YARS1: variants seen among roughly 807,000 people sequenced by gnomAD.
The protein encoded by YARS1 is tyrosyl-tRNA synthetase 1.
Under a neutral mutation model 62.2 loss-of-function variants are expected in YARS1, and 36 were observed. The ratio of observed to expected loss-of-function variants is 0.58; its 90% CI spans 0.44 to 0.76. The LOEUF is 0.76. Among genes scored for constraint, YARS1 ranks in the 30% least tolerant of loss-of-function variants. The pLI is 0.00. For synonymous variants in YARS1, 234 were observed against 244.9 expected, an observed-to-expected ratio of 0.96 and a Z score of 0.42; for missense variants, 524 against 639.8, an observed-to-expected ratio of 0.82 and a Z score of 1.95.
intron 8 of YARS1, among the ~76,000 whole-genome samples, chr1:32,785,890 CTT>C (rs11344284): frequency 5.3e-4 from 77 of 146,354 alleles, no homozygotes; most frequent in Admixed American, 6.2e-4. Context: ...AGCCCATTTT[CTT>C]TTTTTTTTTT....
At chr1:32,782,135 T>C (rs753343730) in intron 9 of YARS1, 20 of 511,564 alleles carry the variant, frequency 3.9e-5, no homozygotes, top group Non-Finnish European at 6.7e-5. Flanking sequence ...AGAGGCAGAT[T>C]TAACAAACAG....
intron 4 of YARS1, among the ~76,000 whole-genome samples, chr1:32,801,860 T>A (rs115869676): frequency 0.022 from 3,308 of 152,062 alleles, 119 homozygotes; most frequent in African/African-American, 0.075. Flanking sequence ...CAATTCCTCA[T>A]CTGTTCAAAA....
intron 8 of YARS1, chr1:32,782,776 T>C (rs1220977713): frequency 3.6e-6 from 2 of 553,600 alleles, no homozygotes; most frequent in East Asian, 6.5e-5. Context: ...GCTGAATGTA[T>C]TTGTTAGTCT....
At chr1:32,788,452 G>C (rs1653309124) in intron 6 of YARS1, among the ~76,000 whole-genome samples, 1 of 151,654 alleles carries the variant, frequency 6.6e-6, no homozygotes, top group African/African-American at 2.4e-5. Context: ...TATTTTTTGA[G>C]ACAGTTTTGC....
At chr1:32,788,032 C>G (rs567757690) in intron 6 of YARS1, among the ~76,000 whole-genome samples, 2 of 152,284 alleles carry the variant, frequency 1.3e-5, no homozygotes, top group South Asian at 4.1e-4. Context: ...ATCACTTGAG[C>G]CTGAGGTTGA....
chr1:32,789,581 G>A (rs1346579890), intron 6 of YARS1, among the ~76,000 whole-genome samples: 1 of 151,594 alleles, frequency 6.6e-6, no homozygotes, highest in East Asian at 1.9e-4. Context: ...TTGGGATTGG[G>A]CCAGGCATTT....
chr1:32,790,041 G>A (rs1200591885), intron 6 of YARS1, among the ~76,000 whole-genome samples: 1 of 148,360 alleles, frequency 6.7e-6, no homozygotes, highest in Non-Finnish European at 1.5e-5. Flanking sequence ...CTGCCACCAC[G>A]ACTGGCTAAT....
At chr1:32,787,807 C>T (rs1419721222) in intron 6 of YARS1, among the ~76,000 whole-genome samples, 1 of 152,208 alleles carries the variant, frequency 6.6e-6, no homozygotes, top group African/African-American at 2.4e-5. Flanking sequence ...AGCCACTGCA[C>T]CCGGGCAATA....
intron 5 of YARS1, among the ~76,000 whole-genome samples, chr1:32,796,354 TTA>T (rs869272788): frequency 8.5e-5 from 12 of 141,146 alleles, no homozygotes; most frequent in South Asian, 6.9e-4. Context: ...AAAAATGTAT[TTA>T]TTTTTTTCTT....
At chr1:32,797,121 C>T (rs1653629680) in intron 5 of YARS1, among the ~76,000 whole-genome samples, 1 of 144,238 alleles carries the variant, frequency 6.9e-6, no homozygotes, top group African/African-American at 2.6e-5. Flanking sequence ...CCTATAATCC[C>T]AGCACTTTGG....
intron 6 of YARS1, among the ~76,000 whole-genome samples, chr1:32,787,595 C>T (rs898587280): frequency 2.6e-5 from 4 of 151,306 alleles, no homozygotes; most frequent in East Asian, 2.0e-4. Context: ...CTGGAAGCTC[C>T]GCCTCCTGGG....
intron 4 of YARS1, 173 bp from the exon 5 acceptor site, chr1:32,798,016 A>T (rs888541738): frequency 3.3e-6 from 2 of 608,544 alleles, no homozygotes; most frequent in African/African-American, 3.7e-5. Context: ...GATTACAGAC[A>T]TGCACCACCA....
Position 32,786,430 on chromosome 1 carries a change from C to T in YARS1, c.838G>A (p.Asp280Asn), listed in dbSNP as rs1653230532. ...GTTTTGTTTCCACCCCATTTCTCAT[C>T]TCGTAGGATCACAAACTCTATAAGG... Reference protein sequence around the residue: ...PLKSEFVILRDEKWGGNKTYT... With the variant: ...PLKSEFVILRNEKWGGNKTYT... Residue 280 changes from aspartate to asparagine, a missense_variant, in exon 8 of 13, where the codon GAT (aspartate) becomes AAT (asparagine). Transcript: ENST00000373477. 1.2e-6 allele frequency: 2 copies of T among 1,613,892 alleles called. No individual in the cohort carries two copies. Among genetic ancestry groups the T allele is most frequent in the Non-Finnish European group, 1.7e-6 (2 of 1,179,932 alleles).
rs888242117 is a variant in YARS1 at position 32,815,803 on chromosome 1, TTTTA to T, written c.57+1381_57+1384del. ...GGTAGCGTCTGCTAACGGGTGCAAG[TTTTA>T]TTAGATAGTGTGATGGTTGTGGCCG... On this transcript the variant is annotated intron_variant, in intron 1 of 12. Transcript: ENST00000373477. 8.5e-5 allele frequency among the ~76,000 whole-genome samples: 13 copies of T among 152,098 alleles called. No individual in the cohort carries two copies. In the East Asian group the frequency reaches 2.5e-3, roughly 29 times the overall value.
chr1:32,794,076 G>A (rs573568840), intron 5 of YARS1, among the ~76,000 whole-genome samples: 2 of 152,294 alleles, frequency 1.3e-5, no homozygotes, highest in African/African-American at 2.4e-5. Flanking sequence ...CAGGCTGGGC[G>A]CAGTGGCTTA....
At chr1:32,795,270 G>A (rs1653545582) in intron 5 of YARS1, among the ~76,000 whole-genome samples, 1 of 151,930 alleles carries the variant, frequency 6.6e-6, no homozygotes, top group Admixed American at 6.6e-5. Context: ...AGTGAGCCGA[G>A]ATGGCGCTAT....
Position 32,775,316 on chromosome 1 carries a change from C to A in YARS1, c.*665G>T, listed in dbSNP as rs1457377559. On this transcript the variant is annotated 3_prime_UTR_variant, in exon 13 of 13. Transcript: ENST00000373477. Reference sequence around the variant, plus strand: ...AGATGCCTTATGGAGAAGTACCCCACCCTCTATGAAGACAGAATCACTCTC... The same window carrying A: ...AGATGCCTTATGGAGAAGTACCCCAACCTCTATGAAGACAGAATCACTCTC... The A allele has an allele frequency of 6.5e-6, 1 of 153,014 alleles. No individual in the cohort carries two copies. The highest frequency in any genetic ancestry group is 1.5e-5 in the Non-Finnish European group (1 of 68,686). 9.5% of individuals were successfully genotyped at this position (153,014 alleles called of 1,614,324 possible). A position where few individuals can be genotyped will look rare whatever the true frequency, so the allele number is the denominator to read the frequency against.
chr1:32,777,590 G>A (rs373994683), intron 12 of YARS1, among the ~76,000 whole-genome samples: 25 of 152,264 alleles, frequency 1.6e-4, no homozygotes, highest in Admixed American at 6.5e-4. Flanking sequence ...CAGCTTGGGC[G>A]ACAGAGCAAG....
intron 5 of YARS1, among the ~76,000 whole-genome samples, chr1:32,797,337 ACT>A (rs1653637714): frequency 6.6e-6 from 1 of 151,906 alleles, no homozygotes; most frequent in Non-Finnish European, 1.5e-5. Context: ...GCATTACTGC[ACT>A]CTGGCCTGGG....
Sources: allele counts gnomAD v4.1 joint callset (sites outside exome capture counted in the v4.1 genomes callset), GRCh38; gene constraint gnomAD v4.1.1; transcripts MANE v1.5; gene names NCBI Gene and HGNC (gene_info 2026-07-23, HGNC 2026-07-21).